Variants in LRCH2 observed in about 807,000 individuals in gnomAD.
The protein encoded by LRCH2 is leucine-rich repeat and calponin homology domain-containing protein 2.
In LRCH2, 38 loss-of-function variants were observed where a neutral mutation model predicts 68.9. The observed-to-expected ratio is 0.55, with a 90% CI of 0.43 to 0.72. LRCH2 has a LOEUF of 0.72. LRCH2 is among the 30% of genes least tolerant of loss of function. LRCH2 has a pLI of 0.00. For missense variants in LRCH2, 528 were observed against 572.9 expected, an observed-to-expected ratio of 0.92 and a Z score of 0.80; for synonymous variants, 191 against 208.1, an observed-to-expected ratio of 0.92 and a Z score of 0.71.
At chrX:115,170,475 T>C (rs2072596486) in intron 5 of LRCH2, 43 bp from the exon 6 acceptor site, 4 of 969,485 alleles carry the variant, frequency 4.1e-6, no homozygotes, top group Non-Finnish European at 4.0e-6. Context: ...GTTCCAAATA[T>C]AAATGACATC....
chrX:115,131,626 T>G (rs1556530257), intron 14 of LRCH2, among the ~76,000 whole-genome samples: 1 of 111,810 alleles, frequency 8.9e-6, no homozygotes, highest in Non-Finnish European at 1.9e-5. Context: ...TACCCAGTAA[T>G]GGGATGGCTG....
At chrX:115,132,258 A>G (rs147987310) in intron 14 of LRCH2, among the ~76,000 whole-genome samples, 6,353 of 111,534 alleles carry the variant, frequency 0.057, 435 homozygotes, top group African/African-American at 0.2. Flanking sequence ...TAATTTTTGT[A>G]TAAGGTGTAA....
intron 14 of LRCH2, among the ~76,000 whole-genome samples, chrX:115,146,988 A>G (rs970520274): frequency 9.2e-6 from 1 of 108,498 alleles, no homozygotes; most frequent in African/African-American, 3.4e-5. Flanking sequence ...TAACCATGAC[A>G]AATAATTTAC....
At chrX:115,189,404 C>G in intron 1 of LRCH2, 1 of 1,142,296 alleles carries the variant, frequency 8.8e-7, no homozygotes, top group African/African-American at 1.8e-5. Flanking sequence ...CGCGTCATCA[C>G]TTCCCACTTC....
At position 115,163,917 on chromosome X, in the gene LRCH2, C is replaced by T. The variant is rs1603050790; in HGVS notation, c.1356-134G>A. 16 of 427,519 alleles carry T rather than the reference C, an allele frequency of 3.7e-5. No individual in the cohort carries two copies. The East Asian group carries it at 6.2e-4, about 17-fold the overall frequency. The allele number at this position is 427,519 out of a possible 1,213,427, so 35.2% of individuals were successfully genotyped here. A position where few individuals can be genotyped will look rare whatever the true frequency, so the allele number is the denominator to read the frequency against. The stretch of plus-strand genomic sequence containing the variant: ...AATCCTAGGTCCTTCTTTTAAAATG[C>T]TAAAATAAGAAATAAGGAAAACTTC... On this transcript the variant is annotated intron_variant, in intron 10 of 20. Transcript: ENST00000317135.
intron 1 of LRCH2, chrX:115,190,953 C>A: frequency 8.6e-7 from 1 of 1,163,066 alleles, no homozygotes; most frequent in Non-Finnish European, 1.1e-6. Context: ...GCGACCGCTA[C>A]GGAGTAGGAG....
intron 1 of LRCH2, among the ~76,000 whole-genome samples, chrX:115,207,420 C>G (rs974788045): frequency 9.0e-6 from 1 of 111,143 alleles, no homozygotes; most frequent in Non-Finnish European, 1.9e-5. Flanking sequence ...GCCTGTAGTT[C>G]CAGCTACTCG....
intron 1 of LRCH2, among the ~76,000 whole-genome samples, chrX:115,201,253 A>G (rs138045224): frequency 2.5e-3 from 278 of 111,866 alleles, no homozygotes; most frequent in African/African-American, 8.2e-3. Flanking sequence ...TACACAACAC[A>G]TAGGAATTAT....
rs1309211508 is a variant in LRCH2 at position 115,161,308 on chromosome X, T to G, written c.1463+2368A>C. ...GGCAGAGGCTGCAGTGAGCCAAGAC[T>G]GTACCACTGCACTCTAGACTGGGCA... On this transcript the variant is annotated intron_variant, in intron 11 of 20. Transcript: ENST00000317135. Among the ~76,000 whole-genome samples, 3 of 111,015 alleles carry G rather than the reference T, an allele frequency of 2.7e-5. No homozygotes were observed. In the East Asian group the frequency reaches 8.5e-4, roughly 31 times the overall value.
intron 1 of LRCH2, among the ~76,000 whole-genome samples, chrX:115,201,315 A>G (rs2072928527): frequency 1.8e-5 from 2 of 112,068 alleles, no homozygotes; most frequent in African/African-American, 6.5e-5. Flanking sequence ...ACCATATCAT[A>G]CACCATGATC....
intron 11 of LRCH2, among the ~76,000 whole-genome samples, chrX:115,160,215 C>G (rs1241376333): frequency 9.0e-6 from 1 of 110,752 alleles, no homozygotes; most frequent in Non-Finnish European, 1.9e-5. Flanking sequence ...ACTTGGGAGG[C>G]TGAGCCAGGA....
chrX:115,184,717 T>G lies in LRCH2; in HGVS notation c.495-180A>C, dbSNP rs1556553838. On this transcript the variant is annotated intron_variant, in intron 2 of 20. Coordinates refer to ENST00000317135, the MANE Select transcript of LRCH2 (RefSeq NM_020871.4). The stretch of plus-strand genomic sequence containing the variant: ...AAATTTCTTATATGCACTGTCTCAT[T>G]TAATCCTCATGTTAATGATACAAGA... Among the ~76,000 whole-genome samples, 11 of 112,258 alleles carry G rather than the reference T, an allele frequency of 9.8e-5. No homozygotes were observed. In the Admixed American group the frequency reaches 1.0e-3, roughly 11 times the overall value.
rs782047145 is a variant in LRCH2, at chrX:115,177,764, G to A, written c.864+1663C>T. On this transcript the variant is annotated intron_variant, in intron 5 of 20. Coordinates refer to ENST00000317135, the MANE Select transcript of LRCH2 (RefSeq NM_020871.4). ...TAGGTTTTCAACCCCGCATGTATTA[G>A]GTATTTGTCCCAATGCTCTCCCTCC... 4.5e-5 allele frequency among the ~76,000 whole-genome samples: 5 copies of A among 110,469 alleles called. No homozygotes were observed. In the East Asian group the frequency reaches 1.4e-3, roughly 32 times the overall value.
chrX:115,182,824 T>C (rs1203001531), intron 3 of LRCH2, among the ~76,000 whole-genome samples: 1 of 90,804 alleles, frequency 1.1e-5, no homozygotes, highest in Non-Finnish European at 2.1e-5. Flanking sequence ...CAGAGTGAAC[T>C]TCGTCTCAAA....
intron 1 of LRCH2, among the ~76,000 whole-genome samples, chrX:115,188,745 C>T (rs191586587): frequency 5.4e-5 from 6 of 111,180 alleles, no homozygotes; most frequent in East Asian, 5.7e-4. Flanking sequence ...GCAGGAGAAT[C>T]GCTTGAACCC....
intron 15 of LRCH2, among the ~76,000 whole-genome samples, chrX:115,128,993 C>T (rs1438769571): frequency 3.6e-5 from 4 of 111,916 alleles, no homozygotes; most frequent in Non-Finnish European, 7.5e-5. Context: ...CACAAACTGT[C>T]GGATATTAGC....
intron 5 of LRCH2, among the ~76,000 whole-genome samples, chrX:115,177,045 C>CA (rs2072655132): frequency 1.4e-4 from 12 of 87,314 alleles, no homozygotes; most frequent in African/African-American, 4.8e-4. Context: ...CCGCACCCAG[C>CA]CTTTTTTTTT....
chrX:115,118,786 T>C (rs1392572780), intron 20 of LRCH2, among the ~76,000 whole-genome samples: 220 of 110,276 alleles, frequency 2.0e-3, no homozygotes, highest in African/African-American at 6.7e-3. Flanking sequence ...ACTGGCAAAC[T>C]GAATCCAGCA....
At position 115,229,737 on chromosome X, in the gene LRCH2, A is replaced by G. The variant is rs1318126533; in HGVS notation, c.349+3956T>C. Reference sequence around the variant, plus strand: ...GCCACAAAATCACAATCATGAGCTCATTCCACTAAATGCACTGAGAGGACC... The same window carrying G: ...GCCACAAAATCACAATCATGAGCTCGTTCCACTAAATGCACTGAGAGGACC... On this transcript the variant is annotated intron_variant, in intron 1 of 20. Transcript: ENST00000317135. Among the ~76,000 whole-genome samples, 17 of 111,891 alleles carry G rather than the reference A, an allele frequency of 1.5e-4. No homozygotes were observed. In the Admixed American group the frequency reaches 1.6e-3, roughly 11 times the overall value.
Sources: gnomAD v4.1 joint callset for allele counts (sites outside exome capture counted in the v4.1 genomes callset) on GRCh38, gnomAD v4.1.1 for gene constraint, MANE v1.5 for transcripts, NCBI Gene and HGNC (gene_info 2026-07-23, HGNC 2026-07-21) for gene names.